SYNDIG1: variants seen among roughly 807,000 people sequenced by gnomAD.
The protein encoded by SYNDIG1 is synapse differentiation-inducing gene protein 1.
SYNDIG1 carries 9 observed loss-of-function variants against 19.4 expected under a neutral mutation model. The observed-to-expected ratio is 0.46, with a 90% CI of 0.28 to 0.81. SYNDIG1 has a LOEUF of 0.81. SYNDIG1 is among the 30% of genes least tolerant of loss of function. SYNDIG1 has a pLI of 0.12. For missense variants in SYNDIG1, 311 were observed against 343.3 expected (o/e 0.91, Z 0.74); for synonymous variants, 141 against 145.9 (o/e 0.97, Z 0.24).
intron 3 of SYNDIG1, among the ~76,000 whole-genome samples, chr20:24,617,183 C>T (rs539865591): frequency 3.3e-5 from 5 of 152,274 alleles, no homozygotes; most frequent in African/African-American, 1.2e-4. Context: ...TCCTGCAGCA[C>T]GGGGCCTGCA....
chr20:24,498,256 CA>C (rs1460892443), intron 1 of SYNDIG1, among the ~76,000 whole-genome samples: 9 of 152,200 alleles, frequency 5.9e-5, no homozygotes, highest in African/African-American at 1.7e-4. Context: ...TCATCACTTC[CA>C]AAAGCTTCCT....
intron 3 of SYNDIG1, among the ~76,000 whole-genome samples, chr20:24,643,648 A>G (rs531526579): frequency 1.5e-4 from 23 of 152,356 alleles, no homozygotes; most frequent in African/African-American, 4.8e-4. Context: ...AGATTAATCC[A>G]TCATAATCTG....
intron 3 of SYNDIG1, among the ~76,000 whole-genome samples, chr20:24,664,571 G>C (rs2059631157): frequency 6.6e-6 from 1 of 152,112 alleles, no homozygotes; most frequent in Non-Finnish European, 1.5e-5. Context: ...TCCCTCCATG[G>C]TGGCCTCCAA....
intron 3 of SYNDIG1, among the ~76,000 whole-genome samples, chr20:24,634,590 T>G (rs1428546498): frequency 6.6e-6 from 1 of 152,228 alleles, no homozygotes; most frequent in African/African-American, 2.4e-5. Context: ...TCAGTTTCAG[T>G]TTGTGTTTCA....
intron 3 of SYNDIG1, among the ~76,000 whole-genome samples, chr20:24,592,912 C>T (rs932265211): frequency 3.9e-5 from 6 of 152,276 alleles, no homozygotes; most frequent in African/African-American, 1.4e-4. Context: ...CCCTGTATGG[C>T]CCCCAGTTTT....
chr20:24,535,008 C>T (rs1253954616), intron 1 of SYNDIG1, among the ~76,000 whole-genome samples: 2 of 152,212 alleles, frequency 1.3e-5, no homozygotes, highest in Non-Finnish European at 2.9e-5. Context: ...TTTTCACTTG[C>T]ATTGAGAGAT....
At chr20:24,591,354 A>G (rs1390973516) in intron 3 of SYNDIG1, among the ~76,000 whole-genome samples, 1 of 152,088 alleles carries the variant, frequency 6.6e-6, no homozygotes, top group Non-Finnish European at 1.5e-5. Flanking sequence ...TGATCCCACC[A>G]CTGCACCCAG....
At chr20:24,601,643 A>G (rs1018096307) in intron 3 of SYNDIG1, among the ~76,000 whole-genome samples, 3 of 152,110 alleles carry the variant, frequency 2.0e-5, no homozygotes, top group African/African-American at 7.2e-5. Context: ...TTTTCTGGGG[A>G]TGGATGGATA....
At chr20:24,648,833 G>A (rs796249811) in intron 3 of SYNDIG1, among the ~76,000 whole-genome samples, 8 of 152,334 alleles carry the variant, frequency 5.3e-5, no homozygotes, top group African/African-American at 1.9e-4. Context: ...GGTGGAGGCC[G>A]GCGTCTGCAG....
chr20:24,597,869 A>G (rs2058620765), intron 3 of SYNDIG1, among the ~76,000 whole-genome samples: 1 of 152,190 alleles, frequency 6.6e-6, no homozygotes, highest in Admixed American at 6.5e-5. Context: ...ATCAGAAAGC[A>G]TAGAAGACTG....
At chr20:24,471,156 T>A (rs1600357212) in intron 1 of SYNDIG1, among the ~76,000 whole-genome samples, 1 of 151,992 alleles carries the variant, frequency 6.6e-6, no homozygotes, top group African/African-American at 2.4e-5. Context: ...AGCAGCCTCA[T>A]AGCCCCCAGA....
At chr20:24,619,163 T>C (rs375407165) in intron 3 of SYNDIG1, among the ~76,000 whole-genome samples, 3 of 152,186 alleles carry the variant, frequency 2.0e-5, no homozygotes, top group African/African-American at 7.2e-5. Context: ...AAAATGAAAA[T>C]GCCTATGTTA....
At chr20:24,632,115 G>A (rs1354528879) in intron 3 of SYNDIG1, among the ~76,000 whole-genome samples, 1 of 152,228 alleles carries the variant, frequency 6.6e-6, no homozygotes, top group Non-Finnish European at 1.5e-5. Context: ...ATGTCTTTCT[G>A]TGGAAGTGGG....
chr20:24,491,951 C>T (rs908156268), intron 1 of SYNDIG1, among the ~76,000 whole-genome samples: 16 of 152,166 alleles, frequency 1.1e-4, no homozygotes, highest in Non-Finnish European at 2.2e-4. Context: ...ATAAAAAATA[C>T]AAGAACAAGA....
chr20:24,644,273 A>G (rs2059404363), intron 3 of SYNDIG1, among the ~76,000 whole-genome samples: 1 of 152,260 alleles, frequency 6.6e-6, no homozygotes, highest in South Asian at 2.1e-4. Flanking sequence ...GCAGAGGTTA[A>G]TTAAAATGAC....
Position 24,633,719 on chromosome 20 carries a change from G to C in SYNDIG1, c.619-31627G>C, listed in dbSNP as rs116833066. 5.9e-3 allele frequency among the ~76,000 whole-genome samples: 903 copies of C among 152,302 alleles called. 10 individuals carry two copies. Among genetic ancestry groups the C allele is most frequent in the African/African-American group, 0.021 (865 of 41,554 alleles). ...CTGACTCGGAAGCTCTGGGGACGGG[G>C]CTGGCAGTCTGGGTGTGAATGCCCT... On this transcript the variant is annotated intron_variant, in intron 3 of 3. Transcript: ENST00000376862.
At chr20:24,589,886 TA>T (rs1372832798) in intron 3 of SYNDIG1, among the ~76,000 whole-genome samples, 2 of 152,146 alleles carry the variant, frequency 1.3e-5, no homozygotes, top group Non-Finnish European at 2.9e-5. Context: ...ACCTAGCTAA[TA>T]GCAAAGCCCC....
chr20:24,493,750 G>A (rs2056221347), intron 1 of SYNDIG1, among the ~76,000 whole-genome samples: 1 of 152,172 alleles, frequency 6.6e-6, no homozygotes, highest in South Asian at 2.1e-4. Context: ...TGACACTGTA[G>A]TGTGAGGAGC....
intron 1 of SYNDIG1, among the ~76,000 whole-genome samples, chr20:24,531,116 T>C (rs1224853108): frequency 6.6e-6 from 1 of 152,140 alleles, no homozygotes; most frequent in Admixed American, 6.5e-5. Flanking sequence ...GGCCTGCAAT[T>C]AGTTTTATTT....
Sources: gnomAD v4.1 joint callset for allele counts (sites outside exome capture counted in the v4.1 genomes callset) on GRCh38, gnomAD v4.1.1 for gene constraint, MANE v1.5 for transcripts, NCBI Gene and HGNC (gene_info 2026-07-23, HGNC 2026-07-21) for gene names.